The following SAMSN1 variants were observed in gnomAD, a reference collection of about 807,000 sequenced individuals.
The protein encoded by SAMSN1 is SAM domain-containing protein SAMSN-1.
SAMSN1 carries 31 observed loss-of-function variants against 42.0 expected under a neutral mutation model. The ratio of observed to expected loss-of-function variants is 0.74; its 90% CI spans 0.55 to 1.00. The LOEUF is 1.00. Ranked by LOEUF, SAMSN1 falls within the 50% of genes least tolerant of loss-of-function variation. The probability of loss-of-function intolerance (pLI) is 0.00; values close to 1 mark genes in which losing one functional copy is unlikely to be tolerated. For synonymous variants in SAMSN1, 178 were observed against 151.9 expected (o/e 1.17, Z -1.26); for missense variants, 464 against 439.4 (o/e 1.06, Z -0.50).
chr21:14,577,276 A>T lies in SAMSN1; in HGVS notation c.261+4860T>A, dbSNP rs1341252623. ...TATATATATATATATATATATATATATATATATATTTTTTTTTTAGAAGAG... is the reference window on the plus strand; with the variant it reads ...TATATATATATATATATATATATATTTATATATATTTTTTTTTTAGAAGAG... On this transcript the variant is annotated intron_variant, in intron 2 of 8. Transcript: ENST00000285670. 8.2e-4 allele frequency among the ~76,000 whole-genome samples: 41 copies of T among 50,300 alleles called. 3 individuals are homozygous for T. The highest frequency in any genetic ancestry group is 5.1e-3 in the African/African-American group (41 of 8,046). The allele number at this position is 50,300 out of a possible 152,430, so 33.0% of individuals were successfully genotyped here.
At chr21:14,649,353 G>A (rs1312927440) in intron 1 of SAMSN1, among the ~76,000 whole-genome samples, 1 of 151,676 alleles carries the variant, frequency 6.6e-6, no homozygotes, top group African/African-American at 2.4e-5. Flanking sequence ...CAGCGCACCA[G>A]CATGGCACAT....
At chr21:14,556,505 T>TCATAAA (rs1555836799) in intron 2 of SAMSN1, among the ~76,000 whole-genome samples, 1 of 152,234 alleles carries the variant, frequency 6.6e-6, no homozygotes, top group Non-Finnish European at 1.5e-5. Flanking sequence ...ATGCGTGTGT[T>TCATAAA]CATACACATA....
rs564242418 is a variant in SAMSN1, at chr21:14,544,774, T to C, written c.57+1431A>G. Among the ~76,000 whole-genome samples the C allele has an allele frequency of 9.2e-5, 14 of 152,294 alleles. 1 individual carries two copies. In the South Asian group the frequency reaches 2.9e-3, roughly 32 times the overall value. ...ATGGAGTAAAGTATCATTTTGACAA[T>C]AGTTTAATGTTGTAAATATGACTCT... On this transcript the variant is annotated intron_variant, in intron 1 of 7. Transcript: ENST00000400566.
At chr21:14,643,498 G>A (rs762508203) in intron 1 of SAMSN1, among the ~76,000 whole-genome samples, 2 of 152,148 alleles carry the variant, frequency 1.3e-5, no homozygotes, top group African/African-American at 4.8e-5. Context: ...TTACAGATTT[G>A]AGTTACATGT....
intron 2 of SAMSN1, among the ~76,000 whole-genome samples, chr21:14,561,738 T>C (rs1980953790): frequency 6.6e-6 from 1 of 152,194 alleles, no homozygotes; most frequent in Non-Finnish European, 1.5e-5. Context: ...GGTGAACCCT[T>C]AATCCAATAA....
At chr21:14,497,846 G>A (rs369333135) in intron 7 of SAMSN1, among the ~76,000 whole-genome samples, 24 of 152,230 alleles carry the variant, frequency 1.6e-4, no homozygotes, top group African/African-American at 5.8e-4. Flanking sequence ...TACAAGCCTG[G>A]TTGCTGTAGA....
intron 7 of SAMSN1, among the ~76,000 whole-genome samples, chr21:14,493,273 T>C (rs1986772080): frequency 6.6e-6 from 1 of 152,208 alleles, no homozygotes; most frequent in South Asian, 2.1e-4. Flanking sequence ...CTCAAATGCA[T>C]TGTATACAGA....
upstream of SAMSN1, among the ~76,000 whole-genome samples, chr21:14,548,183 G>T (rs1471906295): frequency 6.6e-6 from 1 of 152,084 alleles, no homozygotes; most frequent in Non-Finnish European, 1.5e-5. Context: ...TTTAATTATG[G>T]AGTTCAATCA....
chr21:14,550,976 G>C (rs1253045474), upstream of SAMSN1, among the ~76,000 whole-genome samples: 1 of 151,928 alleles, frequency 6.6e-6, no homozygotes, highest in Admixed American at 6.6e-5. Flanking sequence ...TGGCTCCTTG[G>C]GTAGATATGT....
intron 2 of SAMSN1, among the ~76,000 whole-genome samples, chr21:14,552,415 G>C (rs188813472): frequency 3.2e-4 from 48 of 152,170 alleles, no homozygotes; most frequent in Non-Finnish European, 1.9e-4. Context: ...GGGCTTTTGG[G>C]AGAATTAGGT....
intron 6 of SAMSN1, among the ~76,000 whole-genome samples, chr21:14,499,667 A>C (rs1330509487): frequency 6.6e-6 from 1 of 152,170 alleles, no homozygotes; most frequent in Non-Finnish European, 1.5e-5. Context: ...TGGTTTTCTC[A>C]CAGGTCACAC....
At chr21:14,590,752 A>G (rs1310073728) in intron 7 of SAMSN1, among the ~76,000 whole-genome samples, 1 of 152,218 alleles carries the variant, frequency 6.6e-6, no homozygotes, top group Non-Finnish European at 1.5e-5. Flanking sequence ...TTCATGGTAA[A>G]ACAAAATAAA....
chr21:14,544,620 T>C (rs986251536), intron 1 of SAMSN1, among the ~76,000 whole-genome samples: 2 of 152,178 alleles, frequency 1.3e-5, no homozygotes, highest in Non-Finnish European at 2.9e-5. Context: ...GTGACCATTT[T>C]CTGTGATATG....
chr21:14,530,854 T>C (rs1979222671), intron 1 of SAMSN1, among the ~76,000 whole-genome samples: 1 of 152,240 alleles, frequency 6.6e-6, no homozygotes, highest in South Asian at 2.1e-4. Flanking sequence ...GTTATCTAGG[T>C]ACCTTGATAC....
intron 1 of SAMSN1, among the ~76,000 whole-genome samples, chr21:14,534,056 C>T (rs1161451541): frequency 1.3e-5 from 2 of 152,186 alleles, no homozygotes. Flanking sequence ...AGGCAGATTA[C>T]ATTACAATGT....
intron 1 of SAMSN1, among the ~76,000 whole-genome samples, chr21:14,648,298 C>G (rs941479797): frequency 6.6e-6 from 1 of 152,114 alleles, no homozygotes; most frequent in Non-Finnish European, 1.5e-5. Context: ...AAACGTTAGA[C>G]CTAAAACCAT....
At chr21:14,550,631 A>G (rs562003923), upstream of SAMSN1, among the ~76,000 whole-genome samples, 1 of 152,234 alleles carries the variant, frequency 6.6e-6, no homozygotes, top group East Asian at 1.9e-4. Flanking sequence ...CCTGAGTTTC[A>G]TTGCCTGAGT....
At chr21:14,499,643 A>G (rs1026681540) in intron 6 of SAMSN1, among the ~76,000 whole-genome samples, 1 of 152,162 alleles carries the variant, frequency 6.6e-6, no homozygotes, top group African/African-American at 2.4e-5. Flanking sequence ...AAGTCATTTC[A>G]GTCTCATAGA....
In SAMSN1 at chr21:14,621,652, G is replaced by A. The variant is rs562940997; in HGVS notation, c.157-5636C>T. On this transcript the variant is annotated intron_variant, in intron 2 of 15. Coordinates refer to the SAMSN1 transcript ENST00000647101. ...AAGCTCCAACTGGGTGGAGCCCACC[G>A]CAGCTCAAGGAGGCCTGCCTGCCTC... 4.5e-4 allele frequency among the ~76,000 whole-genome samples: 68 copies of A among 152,152 alleles called. 1 individual carries two copies. Among genetic ancestry groups the A allele is most frequent in the Middle Eastern group, 3.4e-3 (1 of 294 alleles).
Sources: gnomAD v4.1 joint callset for allele counts (sites outside exome capture counted in the v4.1 genomes callset) on GRCh38, gnomAD v4.1.1 for gene constraint, MANE v1.5 for transcripts, NCBI Gene and HGNC (gene_info 2026-07-23, HGNC 2026-07-21) for gene names.